Variants in KLF12 observed in about 807,000 individuals in gnomAD.
KLF12 encodes Krueppel-like factor 12.
A neutral mutation model predicts 37.8 loss-of-function variants in KLF12; 9 were observed. The ratio of observed to expected loss-of-function variants is 0.24; its 90% CI spans 0.14 to 0.42. KLF12 has a LOEUF of 0.42. Ranked by LOEUF, KLF12 falls within the 10% of genes least tolerant of loss-of-function variation. The probability of loss-of-function intolerance (pLI) is 1.00; values close to 1 mark genes in which losing one functional copy is unlikely to be tolerated. For synonymous variants in KLF12, 208 were observed against 202.1 expected, an observed-to-expected ratio of 1.03 and a Z score of -0.25; for missense variants, 411 against 516.0, an observed-to-expected ratio of 0.80 and a Z score of 1.97.
chr13:74,138,882 C>T (rs79098914), upstream of KLF12, among the ~76,000 whole-genome samples: 2,762 of 152,286 alleles, frequency 0.018, 50 homozygotes, highest in Non-Finnish European at 0.032. Context: ...CATACTTTCC[C>T]CTCCAGCCTG....
At chr13:73,774,283 TACACAC>T (rs71704208) in intron 5 of KLF12, among the ~76,000 whole-genome samples, 2 of 145,310 alleles carry the variant, frequency 1.4e-5, no homozygotes, top group African/African-American at 2.5e-5. Flanking sequence ...TATATATATA[TACACAC>T]ACACACACAC....
intron 4 of KLF12, among the ~76,000 whole-genome samples, chr13:73,842,394 T>C (rs1316968135): frequency 2.6e-5 from 4 of 152,198 alleles, no homozygotes; most frequent in Non-Finnish European, 4.4e-5. Context: ...TCGTGGAAAG[T>C]CAGTAGCTCT....
At chr13:74,251,494 A>G in the KLF12 span, among the ~76,000 whole-genome samples, 2 of 152,166 alleles carry the variant, frequency 1.3e-5, no homozygotes, top group South Asian at 4.1e-4. Flanking sequence ...ATGGGTTTTT[A>G]CTTTTCAAAA....
chr13:73,956,397 C>T (rs1890833139), intron 2 of KLF12, among the ~76,000 whole-genome samples: 1 of 152,140 alleles, frequency 6.6e-6, no homozygotes, highest in Non-Finnish European at 1.5e-5. Context: ...GACATCTGCA[C>T]TACAGACATT....
chr13:73,899,847 A>G (rs749041972), intron 3 of KLF12, among the ~76,000 whole-genome samples: 6 of 152,122 alleles, frequency 3.9e-5, no homozygotes, highest in Non-Finnish European at 8.8e-5. Context: ...CAGTTATACC[A>G]CTAACTTACC....
intron 1 of KLF12, among the ~76,000 whole-genome samples, chr13:74,061,576 T>A (rs1873593666): frequency 6.6e-6 from 1 of 152,164 alleles, no homozygotes; most frequent in Non-Finnish European, 1.5e-5. Context: ...GGTCTCAGTT[T>A]CTTCACCTGT....
At chr13:74,145,101 G>A in the KLF12 span, among the ~76,000 whole-genome samples, 1 of 152,002 alleles carries the variant, frequency 6.6e-6, no homozygotes, top group Non-Finnish European at 1.5e-5. Flanking sequence ...AACAGTTCAT[G>A]GAATTTAACT....
At chr13:73,790,477 T>C (rs1312446377) in intron 5 of KLF12, among the ~76,000 whole-genome samples, 1 of 152,348 alleles carries the variant, frequency 6.6e-6, no homozygotes, top group East Asian at 1.9e-4. Flanking sequence ...CAAGTGATCC[T>C]TCTATTATCA....
At chr13:74,007,370 C>CCG (rs1555332871) in intron 1 of KLF12, among the ~76,000 whole-genome samples, 1 of 151,890 alleles carries the variant, frequency 6.6e-6, no homozygotes, top group Non-Finnish European at 1.5e-5. Context: ...CCATCCCCCC[C>CCG]GGGTTCACGT....
At chr13:74,158,750 A>C in the KLF12 span, among the ~76,000 whole-genome samples, 248 of 152,138 alleles carry the variant, frequency 1.6e-3, 1 homozygote, top group African/African-American at 5.3e-3. Context: ...GAAGAAGAAA[A>C]TGCTTAACAT....
chr13:73,762,302 A>G (rs1382273617), intron 6 of KLF12, among the ~76,000 whole-genome samples: 1 of 152,144 alleles, frequency 6.6e-6, no homozygotes, highest in Non-Finnish European at 1.5e-5. Context: ...TCCAGAGGAA[A>G]TGTTCCCAGA....
chr13:73,881,395 A>T (rs570878659), intron 3 of KLF12, among the ~76,000 whole-genome samples: 1 of 152,132 alleles, frequency 6.6e-6, no homozygotes, highest in South Asian at 2.1e-4. Flanking sequence ...GGAGCTAAAA[A>T]TTTTCAACTT....
chr13:73,865,345 C>T (rs1282507850), intron 3 of KLF12, among the ~76,000 whole-genome samples: 2 of 152,052 alleles, frequency 1.3e-5, no homozygotes, highest in African/African-American at 2.4e-5. Context: ...AAAAGAAAAG[C>T]CCAAATTTCA....
intron 1 of KLF12, among the ~76,000 whole-genome samples, chr13:74,058,222 C>T (rs1280039589): frequency 6.6e-6 from 1 of 152,090 alleles, no homozygotes; most frequent in Non-Finnish European, 1.5e-5. Flanking sequence ...CCGCCTCGGA[C>T]TCCCAAAGTG....
chr13:74,196,668 C>G, the KLF12 span, among the ~76,000 whole-genome samples: 1 of 152,074 alleles, frequency 6.6e-6, no homozygotes, highest in Non-Finnish European at 1.5e-5. Context: ...TCACAGTGCC[C>G]CCTTTAACCA....
chr13:73,732,289 C>T (rs1877124238), intron 6 of KLF12, among the ~76,000 whole-genome samples: 1 of 151,816 alleles, frequency 6.6e-6, no homozygotes, highest in African/African-American at 2.4e-5. Flanking sequence ...GGGGTTTCAC[C>T]ACGTTGGCCA....
intron 2 of KLF12, among the ~76,000 whole-genome samples, chr13:73,989,574 T>C (rs77913615): frequency 4.7e-4 from 71 of 152,190 alleles, no homozygotes; most frequent in African/African-American, 1.6e-3. Flanking sequence ...TGCTGTCCAA[T>C]GGAAGCAGAG....
rs558622167 is a variant in KLF12 at position 73,715,703 on chromosome 13, A to C, written c.870-178T>G. Among the ~76,000 whole-genome samples, 3 of 152,314 alleles carry C rather than the reference A, an allele frequency of 2.0e-5. No individual in the cohort carries two copies. In the South Asian group the frequency reaches 6.2e-4, roughly 32 times the overall value. On this transcript the variant is annotated intron_variant, in intron 6 of 7. Coordinates refer to ENST00000377669, the MANE Select transcript of KLF12 (RefSeq NM_007249.5). ...ACTTTTCGAAACCTGAAAGGCAGGC[A>C]GCATGAGTTATTTCCGGCAAAACAC...
chr13:73,909,836 T>A (rs1035094209), intron 3 of KLF12, among the ~76,000 whole-genome samples: 1 of 152,356 alleles, frequency 6.6e-6, no homozygotes, highest in East Asian at 1.9e-4. Context: ...AAGGGAAACA[T>A]CTTTAAATTC....
Sources: gnomAD v4.1 joint callset for allele counts (sites outside exome capture counted in the v4.1 genomes callset) on GRCh38, gnomAD v4.1.1 for gene constraint, MANE v1.5 for transcripts, NCBI Gene and HGNC (gene_info 2026-07-23, HGNC 2026-07-21) for gene names.